Variants in TRIM72 observed in about 807,000 individuals in gnomAD.
The protein encoded by TRIM72 is tripartite motif containing 72.
A neutral mutation model predicts 31.6 loss-of-function variants in TRIM72; 33 were observed. The ratio of observed to expected loss-of-function variants is 1.04; its 90% CI spans 0.79 to 1.40. The LOEUF is 1.40. Ranked by LOEUF, TRIM72 falls within the 40% of genes most tolerant of loss-of-function variation. The probability of loss-of-function intolerance (pLI) is 0.00; values close to 1 mark genes in which losing one functional copy is unlikely to be tolerated. For missense variants in TRIM72, 666 were observed against 682.7 expected, an observed-to-expected ratio of 0.98 and a Z score of 0.27; for synonymous variants, 301 against 314.4, an observed-to-expected ratio of 0.96 and a Z score of 0.45.
chr16:31,219,542 C>A lies in TRIM72; in HGVS notation c.717+23C>A. On this transcript the variant is annotated intron_variant, in intron 4 of 6. Coordinates refer to ENST00000322122, the MANE Select transcript of TRIM72 (RefSeq NM_001008274.4). This position sits in a 1 kb window ranked among gnomAD's most constrained non-coding sequence, Gnocchi z 4.2. ...ATGGTGAGCACTGGGTGACCCCCCT[C>A]CCTGCCTCAGCCCCCTGCTCAGGGC... The A allele has an allele frequency of 6.3e-7, 1 of 1,590,498 alleles. No homozygotes were observed. Among genetic ancestry groups the A allele is most frequent in the Non-Finnish European group, 8.6e-7 (1 of 1,166,744 alleles).
At chr16:31,223,914 AAAAAAC>A (rs2144198950) in intron 6 of TRIM72, among the ~76,000 whole-genome samples, 1 of 152,242 alleles carries the variant, frequency 6.6e-6, no homozygotes, top group Non-Finnish European at 1.5e-5. Flanking sequence ...TCAAAAAAAC[AAAAAAC>A]AAAAACAAAA....
rs1039044110 is a variant in TRIM72 at position 31,219,556 on chromosome 16, C to T, written c.717+37C>T. ...GTGACCCCCCTCCCTGCCTCAGCCC[C>T]CTGCTCAGGGCCCAGAGACCTCATC... On this transcript the variant is annotated intron_variant, in intron 4 of 6. Transcript: ENST00000322122. The surrounding 1 kb of genome is among the most constrained non-coding windows in gnomAD (Gnocchi z 4.2). 8 of 1,560,128 alleles carry T rather than the reference C, an allele frequency of 5.1e-6. No homozygotes were observed. The highest frequency in any genetic ancestry group is 1.4e-5 in the African/African-American group (1 of 73,430).
chr16:31,220,550 CCTCCTT>C (rs1449827442), intron 4 of TRIM72, among the ~76,000 whole-genome samples: 1 of 122,368 alleles, frequency 8.2e-6, no homozygotes, highest in African/African-American at 3.0e-5. Flanking sequence ...CTCACTGAAA[CCTCCTT>C]CTCCCGGGTT....
At chr16:31,214,632 C>G in intron 1 of TRIM72, 100 bp from the exon 2 acceptor site, 1 of 1,286,806 alleles carries the variant, frequency 7.8e-7, no homozygotes, top group Non-Finnish European at 1.0e-6. Flanking sequence ...GGGGCTTCTC[C>G]CTGCGGGGCG....
In TRIM72 at chr16:31,216,085, T is replaced by A. The variant is rs1478647530; in HGVS notation, c.390+957T>A. 1 of 152,332 alleles carries A rather than the reference T, an allele frequency of 6.6e-6. No homozygotes were observed. Among genetic ancestry groups the A allele is most frequent in the African/African-American group, 2.4e-5 (1 of 41,460 alleles). 9.4% of individuals were successfully genotyped at this position (152,332 alleles called of 1,614,324 possible). A position where few individuals can be genotyped will look rare whatever the true frequency, so the allele number is the denominator to read the frequency against. ...CCCCGAGGTGGAGACACTGCTGTTGTCTTACGCGACTGGTGCGCGCGTGGG... is the reference window on the plus strand; with the variant it reads ...CCCCGAGGTGGAGACACTGCTGTTGACTTACGCGACTGGTGCGCGCGTGGG... On this transcript the variant is annotated intron_variant, in intron 2 of 6. Transcript: ENST00000322122. This position sits in a 1 kb window ranked among gnomAD's most constrained non-coding sequence, Gnocchi z 6.7.
Position 31,214,912 on chromosome 16 carries a change from C to T in TRIM72, c.174C>T (p.Ala58=). ...CCGTTCTCTGCCCCTGCTGCCAGGC[C>T]CCCACGCGGCCGCAGGCACTCAGCA... The part of the protein sequence containing the change: ...DGTVLCPCCQ[A]PTRPQALSTN... Residue 58 remains alanine, a synonymous_variant, in exon 2 of 7, where the codon GCC becomes GCT. Coordinates refer to ENST00000322122, the MANE Select transcript of TRIM72 (RefSeq NM_001008274.4). 1 of 1,513,590 alleles carries T rather than the reference C, an allele frequency of 6.6e-7. No homozygotes were observed. The highest frequency in any genetic ancestry group is 2.6e-5 in the East Asian group (1 of 38,720). The allele number at this position is 1,513,590 out of a possible 1,614,324, so 93.8% of individuals were successfully genotyped here. A position where few individuals can be genotyped will look rare whatever the true frequency, so the allele number is the denominator to read the frequency against.
rs2079504229 is a variant in TRIM72 at position 31,215,532 on chromosome 16, C to T, written c.390+404C>T. On this transcript the variant is annotated intron_variant, in intron 2 of 6. Transcript: ENST00000322122. This position sits in a 1 kb window ranked among gnomAD's most constrained non-coding sequence, Gnocchi z 6.3. ...GGGCCGTTCGGGCTGGCTCCCTGCTCGGCGCTGGCCCACTTTGGACTGGAG... is the reference window on the plus strand; with the variant it reads ...GGGCCGTTCGGGCTGGCTCCCTGCTTGGCGCTGGCCCACTTTGGACTGGAG... Among the ~76,000 whole-genome samples the T allele has an allele frequency of 6.6e-6, 1 of 152,098 alleles. No individual in the cohort carries two copies. Among genetic ancestry groups the T allele is most frequent in the Non-Finnish European group, 1.5e-5 (1 of 68,002 alleles).
rs1180500611 is a variant in TRIM72 at position 31,230,853 on chromosome 16, C to T, written c.*6098C>T. 1 of 151,914 alleles carries T rather than the reference C, an allele frequency of 6.6e-6. No individual in the cohort carries two copies. Among genetic ancestry groups the T allele is most frequent in the African/African-American group, 2.4e-5 (1 of 41,364 alleles). The allele number at this position is 151,914 out of a possible 1,614,324, so 9.4% of individuals were successfully genotyped here. ...TAAGTATCCTCCTCAACCTCTTGGT[C>T]TCTCTGATTCCTAAATTATCCCACT... On this transcript the variant is annotated 3_prime_UTR_variant, in exon 7 of 7. Coordinates refer to ENST00000322122, the MANE Select transcript of TRIM72 (RefSeq NM_001008274.4).
At chr16:31,221,884 C>T (rs1268875910) in intron 5 of TRIM72, among the ~76,000 whole-genome samples, 4 of 145,848 alleles carry the variant, frequency 2.7e-5, no homozygotes, top group Non-Finnish European at 6.0e-5. Context: ...GGGAAAAGGG[C>T]GTTGCTGGGA....
intron 5 of TRIM72, among the ~76,000 whole-genome samples, chr16:31,221,533 G>T (rs1220544361): frequency 1.4e-5 from 2 of 145,204 alleles, no homozygotes; most frequent in African/African-American, 2.6e-5. Flanking sequence ...AGGGAGAAGG[G>T]CATTGTGGGG....
At chr16:31,222,791 C>G in intron 5 of TRIM72, 36 bp from the exon 6 acceptor site, 2 of 735,808 alleles carry the variant, frequency 2.7e-6, no homozygotes, top group Non-Finnish European at 4.3e-6. Flanking sequence ...GTCCTCCCCC[C>G]TCACACATGC....
At chr16:31,222,379 C>T (rs1268515363) in intron 5 of TRIM72, among the ~76,000 whole-genome samples, 2 of 147,130 alleles carry the variant, frequency 1.4e-5, no homozygotes, top group South Asian at 2.1e-4. Context: ...GGTGATAGAG[C>T]CAGACTCAAT....
rs897493166 is a variant in TRIM72, at chr16:31,215,085, G to A, written c.347G>A (p.Gly116Asp). Residue 116 changes from glycine (G) to aspartate (D), a missense_variant, in exon 2 of 7, where the codon GGT becomes GAT. Physicochemically the swap from Gly to Asp is moderately conservative, Grantham distance 94. Coordinates refer to ENST00000322122, the MANE Select transcript of TRIM72 (RefSeq NM_001008274.4). This position sits in a 1 kb window ranked among gnomAD's most constrained non-coding sequence, Gnocchi z 6.3. ...TGCGCCTCACTCGGCTCGCACCGCG[G>A]TCATCGCCTCCTGCCTGCCGCCGAG... ...GVCASLGSHR[G>D]HRLLPAAEAH... is the part of the protein sequence containing the mutation. 3 of 1,452,342 alleles carry A rather than the reference G, an allele frequency of 2.1e-6. No homozygotes were observed. The highest frequency in any genetic ancestry group is 2.7e-6 in the Non-Finnish European group (3 of 1,112,456). The allele number at this position is 1,452,342 out of a possible 1,614,324, so 90.0% of individuals were successfully genotyped here.
Position 31,219,418 on chromosome 16 carries a change from C to T in TRIM72, c.616C>T (p.Arg206Cys), listed in dbSNP as rs766005593. ...RVRGEAGVAL[R>C]RELGSLNSYL... ...ACGGGGTGAGGCAGGGGTCGCCTTG[C>T]GCCGGGAGCTGGGGAGCCTGAACTC... The change falls in exon 4 of 7, where the codon CGC (arginine) becomes TGC (cysteine). Residue 206 changes from arginine to cysteine, a missense_variant. Transcript: ENST00000322122. This position sits in a 1 kb window ranked among gnomAD's most constrained non-coding sequence, Gnocchi z 4.2. 21 of 1,613,508 alleles carry T rather than the reference C, an allele frequency of 1.3e-5. No individual in the cohort carries two copies. The highest frequency in any genetic ancestry group is 1.7e-5 in the Non-Finnish European group (20 of 1,179,764).
rs1047120902 is a variant in TRIM72, at chr16:31,229,568, G to A, written c.*4813G>A. ...GGGTGGGGCTGCCTGACCCAGGCAG[G>A]GTCTCCCTGGGGATGTAGGAAGGTG... On this transcript the variant is annotated 3_prime_UTR_variant, in exon 7 of 7. Transcript: ENST00000322122. The A allele has an allele frequency of 2.0e-5, 3 of 152,126 alleles. No homozygotes were observed. Among genetic ancestry groups the A allele is most frequent in the African/African-American group, 7.2e-5 (3 of 41,402 alleles). 9.4% of individuals were successfully genotyped at this position (152,126 alleles called of 1,614,324 possible).
At chr16:31,220,803 C>T in intron 4 of TRIM72, 93 bp from the exon 5 acceptor site, 2 of 1,491,170 alleles carry the variant, frequency 1.3e-6, no homozygotes, top group Non-Finnish European at 1.9e-6. Context: ...TCTGACGTTG[C>T]ACTCAGCATT....
chr16:31,214,558 A>G (rs968540783), intron 1 of TRIM72, among the ~76,000 whole-genome samples, 174 bp from the exon 2 acceptor site: 1 of 152,118 alleles, frequency 6.6e-6, no homozygotes, highest in Non-Finnish European at 1.5e-5. Context: ...CCTGAGACCG[A>G]GTTCCTCTTT....
chr16:31,229,052 A>T lies in TRIM72; in HGVS notation c.*4297A>T, dbSNP rs1344686453. 6.6e-6 allele frequency: 1 copy of T among 152,292 alleles called. No homozygotes were observed. Among genetic ancestry groups the T allele is most frequent in the Non-Finnish European group, 1.5e-5 (1 of 68,136 alleles). The allele number at this position is 152,292 out of a possible 1,614,324, so 9.4% of individuals were successfully genotyped here. ...TCCTCCACCATGTGTAGCCCACGGC[A>T]TTGAATTGTCTACACACAGGCCATG... On this transcript the variant is annotated 3_prime_UTR_variant, in exon 7 of 7. Transcript: ENST00000322122.
rs1430960992 is a variant in TRIM72, at chr16:31,214,796, C to T, written c.58C>T (p.Leu20=). The T allele has an allele frequency of 6.3e-7, 1 of 1,580,884 alleles. No homozygotes were observed. The highest frequency in any genetic ancestry group is 8.5e-7 in the Non-Finnish European group (1 of 1,172,972). Residue 20 remains leucine, a synonymous_variant, in exon 2 of 7, where the codon CTG becomes TTG. Coordinates refer to ENST00000322122, the MANE Select transcript of TRIM72 (RefSeq NM_001008274.4). ...QELSCPLCLQ[L]FDAPVTAECG... is the part of the protein sequence containing the mutation. ...GCTGTCCTGCCCGCTGTGCCTGCAG[C>T]TGTTCGACGCGCCCGTGACAGCCGA...
Sources: gnomAD v4.1 joint callset for allele counts (sites outside exome capture counted in the v4.1 genomes callset) on GRCh38, gnomAD v4.1.1 for gene constraint, Gnocchi (gnomAD v3.1) non-coding constraint, MANE v1.5 for transcripts, NCBI Gene and HGNC (gene_info 2026-07-23, HGNC 2026-07-21) for gene names.